Variants in GAB1 observed in about 807,000 individuals in gnomAD.
The protein encoded by GAB1 is GRB2 associated binding protein 1, also known as GRB2-associated-binding protein 1.
GAB1 carries 19 observed loss-of-function variants against 66.5 expected under a neutral mutation model. That is an observed-to-expected ratio of 0.29 (90% CI 0.20 to 0.42). The LOEUF (loss-of-function observed/expected upper bound fraction) is 0.42. Ranked by LOEUF, GAB1 falls within the 10% of genes least tolerant of loss-of-function variation. The pLI is 1.00. For missense variants in GAB1, 732 were observed against 858.5 expected, an observed-to-expected ratio of 0.85 and a Z score of 1.84; for synonymous variants, 294 against 301.4, an observed-to-expected ratio of 0.98 and a Z score of 0.25.
At chr4:143,465,186 G>A (rs1735718059) in intron 8 of GAB1, among the ~76,000 whole-genome samples, 1 of 152,194 alleles carries the variant, frequency 6.6e-6, no homozygotes, top group Non-Finnish European at 1.5e-5. Context: ...TGTAATTAGA[G>A]TGGAGGGAAT....
At chr4:143,437,968 G>T in intron 3 of GAB1, 31 bp from the exon 4 acceptor site, 9 of 1,582,234 alleles carry the variant, frequency 5.7e-6, no homozygotes, top group Non-Finnish European at 7.7e-6. Context: ...TCTCCACCTT[G>T]TTTATTCTGT....
At chr4:143,417,486 C>T (rs1324650224) in intron 2 of GAB1, 3 of 381,318 alleles carry the variant, frequency 7.9e-6, no homozygotes, top group Non-Finnish European at 1.6e-5. Flanking sequence ...CTGCTCACTG[C>T]AACCTCTGCC....
intron 1 of GAB1, among the ~76,000 whole-genome samples, chr4:143,383,842 A>C (rs965391952): frequency 7.9e-5 from 12 of 152,156 alleles, no homozygotes; most frequent in Admixed American, 7.9e-4. Flanking sequence ...TTGGGGGCCG[A>C]GGTAGGAGGA....
intron 2 of GAB1, among the ~76,000 whole-genome samples, chr4:143,417,173 G>A (rs1157902541): frequency 6.6e-6 from 1 of 152,082 alleles, no homozygotes; most frequent in Non-Finnish European, 1.5e-5. Flanking sequence ...ATGAAAGGAG[G>A]GACGCAGAAC....
At chr4:143,380,633 T>G (rs1194413313) in intron 1 of GAB1, 1 of 152,168 alleles carries the variant, frequency 6.6e-6, no homozygotes, top group Non-Finnish European at 1.5e-5. Context: ...GTTGCCCAGA[T>G]TGGTCTTGAA....
Position 143,358,296 on chromosome 4 carries a change from C to T in GAB1, c.72+21036C>T, listed in dbSNP as rs1729528875. ...ATTTTAAGTTTCATAGCTTTTTTTC[C>T]AGTTGAATTGTAACAGCCTGTTTAA... On this transcript the variant is annotated intron_variant, in intron 1 of 9. Coordinates refer to ENST00000262994, the MANE Select transcript of GAB1 (RefSeq NM_002039.4). Among the ~76,000 whole-genome samples, 3 of 152,096 alleles carry T rather than the reference C, an allele frequency of 2.0e-5. No individual in the cohort carries two copies. The South Asian group carries it at 6.2e-4, about 32-fold the overall frequency.
intron 1 of GAB1, chr4:143,396,013 G>T (rs1427542014): frequency 2.2e-6 from 1 of 455,372 alleles, no homozygotes; most frequent in Non-Finnish European, 4.4e-6. Context: ...CAGCAGAGGG[G>T]ACCCAGGAAA....
intron 2 of GAB1, among the ~76,000 whole-genome samples, chr4:143,424,103 A>T (rs1733198731): frequency 6.6e-6 from 1 of 152,072 alleles, no homozygotes; most frequent in Non-Finnish European, 1.5e-5. Flanking sequence ...GTTTAAAAAA[A>T]GTGTTAAAAG....
At chr4:143,399,557 G>C (rs1731641037) in intron 1 of GAB1, among the ~76,000 whole-genome samples, 1 of 152,116 alleles carries the variant, frequency 6.6e-6, no homozygotes, top group Non-Finnish European at 1.5e-5. Context: ...CACTCCACTA[G>C]GGGGCAGACA....
chr4:143,420,922 G>GTA (rs964554723), intron 2 of GAB1, among the ~76,000 whole-genome samples: 1 of 151,776 alleles, frequency 6.6e-6, no homozygotes, highest in Non-Finnish European at 1.5e-5. Context: ...TTTTATTGAG[G>GTA]TATAACTTAC....
At chr4:143,398,388 G>T (rs1368056649) in intron 1 of GAB1, among the ~76,000 whole-genome samples, 1 of 152,102 alleles carries the variant, frequency 6.6e-6, no homozygotes, top group Non-Finnish European at 1.5e-5. Context: ...TGCTGTTGCA[G>T]GGGGAAGTTT....
intron 8 of GAB1, among the ~76,000 whole-genome samples, chr4:143,463,246 C>A (rs532197002): frequency 6.6e-6 from 1 of 151,952 alleles, no homozygotes; most frequent in Non-Finnish European, 1.5e-5. Flanking sequence ...GATGGTAAAC[C>A]ATAACTAAAG....
intron 1 of GAB1, among the ~76,000 whole-genome samples, chr4:143,412,742 T>G (rs1292792827): frequency 6.6e-6 from 1 of 152,066 alleles, no homozygotes; most frequent in Non-Finnish European, 1.5e-5. Flanking sequence ...GGAAAGAATA[T>G]AATGTATTTA....
intron 1 of GAB1, among the ~76,000 whole-genome samples, chr4:143,339,065 A>C (rs1728747633): frequency 6.6e-6 from 1 of 152,264 alleles, no homozygotes; most frequent in African/African-American, 2.4e-5. Context: ...AAAAACAAAA[A>C]GGAAAGTATA....
At position 143,419,220 on chromosome 4, in the gene GAB1, A is replaced by G. The variant is rs1732882407; in HGVS notation, c.367+3449A>G. On this transcript the variant is annotated intron_variant, in intron 2 of 9. Transcript: ENST00000262994. Reference sequence around the variant, plus strand: ...ATATAAATTATGCATTAAAATATATATACAGTGCATATATATATGTGTAAA... The same window carrying G: ...ATATAAATTATGCATTAAAATATATGTACAGTGCATATATATATGTGTAAA... Among the ~76,000 whole-genome samples the G allele has an allele frequency of 2.0e-5, 3 of 152,112 alleles. No homozygotes were observed. The South Asian group carries it at 6.2e-4, about 31-fold the overall frequency.
intron 2 of GAB1, among the ~76,000 whole-genome samples, chr4:143,421,448 A>G (rs1341461142): frequency 1.3e-5 from 2 of 152,128 alleles, no homozygotes; most frequent in Admixed American, 6.5e-5. Flanking sequence ...GTACAGACGT[A>G]TATTTAGCTT....
At chr4:143,390,522 T>A (rs62337527) in intron 1 of GAB1, among the ~76,000 whole-genome samples, 6,504 of 152,002 alleles carry the variant, frequency 0.043, 151 homozygotes, top group African/African-American at 0.053. Flanking sequence ...CTCTTTTGTC[T>A]CAACCCTCCA....
chr4:143,347,265 C>G (rs1344172862), intron 1 of GAB1, among the ~76,000 whole-genome samples: 1 of 152,194 alleles, frequency 6.6e-6, no homozygotes, highest in Non-Finnish European at 1.5e-5. Flanking sequence ...ATTGTAAATT[C>G]TCTTGTCCAA....
intron 1 of GAB1, among the ~76,000 whole-genome samples, chr4:143,340,080 A>C (rs73853810): frequency 0.024 from 3,680 of 151,966 alleles, 139 homozygotes; most frequent in African/African-American, 0.085. Context: ...TTGGTGGCCC[A>C]GAAGATTTTG....
Sources: gnomAD v4.1 joint callset for allele counts (sites outside exome capture counted in the v4.1 genomes callset) on GRCh38, gnomAD v4.1.1 for gene constraint, MANE v1.5 for transcripts, NCBI Gene and HGNC (gene_info 2026-07-23, HGNC 2026-07-21) for gene names.